The following KPNA1 variants were observed in gnomAD, a reference collection of about 807,000 sequenced individuals.
KPNA1 encodes the protein importin subunit alpha-5.
Under a neutral mutation model 70.5 loss-of-function variants are expected in KPNA1, and 10 were observed. The ratio of observed to expected loss-of-function variants is 0.14; its 90% CI spans 0.09 to 0.24. The LOEUF (loss-of-function observed/expected upper bound fraction) is 0.24, where lower values mean the gene tolerates loss of function less well. Among genes scored for constraint, KPNA1 ranks in the 10% least tolerant of loss-of-function variants. The pLI is 1.00. For synonymous variants in KPNA1, 192 were observed against 221.9 expected (o/e 0.87, Z 1.20); for missense variants, 397 against 637.9 (o/e 0.62, Z 4.07).
chr3:122,448,003 A>G (rs752648432), intron 9 of KPNA1, among the ~76,000 whole-genome samples: 1 of 152,234 alleles, frequency 6.6e-6, no homozygotes, highest in Non-Finnish European at 1.5e-5. Flanking sequence ...CAACAGACAC[A>G]TGAAAAAATG....
chr3:122,499,649 C>T (rs1163616930), intron 1 of KPNA1, among the ~76,000 whole-genome samples: 1 of 151,682 alleles, frequency 6.6e-6, no homozygotes, highest in African/African-American at 2.4e-5. Flanking sequence ...GTTCCAGGTA[C>T]TCAGGAGGCT....
At chr3:122,448,726 A>C (rs1453314241) in intron 9 of KPNA1, among the ~76,000 whole-genome samples, 1 of 152,068 alleles carries the variant, frequency 6.6e-6, no homozygotes, top group Non-Finnish European at 1.5e-5. Context: ...CATTTACCCT[A>C]GGACTTAAAG....
chr3:122,462,290 T>C (rs1156942765), intron 4 of KPNA1, among the ~76,000 whole-genome samples: 1 of 152,008 alleles, frequency 6.6e-6, no homozygotes, highest in Non-Finnish European at 1.5e-5. Flanking sequence ...TTTTTAAAAA[T>C]CTACATGACT....
chr3:122,486,392 C>T (rs916551426), intron 2 of KPNA1, among the ~76,000 whole-genome samples: 13 of 152,102 alleles, frequency 8.5e-5, no homozygotes, highest in Non-Finnish European at 1.6e-4. Context: ...TGCATAATTC[C>T]ATTTATGGTA....
At chr3:122,452,572 G>GGAAGGAAGGAA (rs2076216864) in intron 6 of KPNA1, among the ~76,000 whole-genome samples, 8 of 22,402 alleles carry the variant, frequency 3.6e-4, no homozygotes, top group Admixed American at 4.9e-4. Context: ...GAGGGAAGGA[G>GGAAGGAAGGAA]GGAAGGAAGG....
At chr3:122,505,144 A>AT (rs1470022460) in intron 1 of KPNA1, among the ~76,000 whole-genome samples, 2 of 152,036 alleles carry the variant, frequency 1.3e-5, no homozygotes, top group African/African-American at 2.4e-5. Context: ...CCTCTACTAA[A>AT]AATACAAAAA....
At chr3:122,432,798 T>C (rs2107717680) in intron 12 of KPNA1, 1 of 152,148 alleles carries the variant, frequency 6.6e-6, no homozygotes, top group Middle Eastern at 3.4e-3. Flanking sequence ...TATAAGCTGC[T>C]CGTCGGGCAT....
intron 2 of KPNA1, among the ~76,000 whole-genome samples, chr3:122,489,440 T>C (rs946273862): frequency 6.6e-6 from 1 of 151,940 alleles, no homozygotes; most frequent in Non-Finnish European, 1.5e-5. Context: ...CGTGCGCCAC[T>C]AAGCCTGGCT....
At chr3:122,435,783 CTT>C (rs1468607607) in intron 11 of KPNA1, among the ~76,000 whole-genome samples, 1 of 152,184 alleles carries the variant, frequency 6.6e-6, no homozygotes, top group East Asian at 1.9e-4. Flanking sequence ...CTATGCCTAT[CTT>C]TACTTTAATC....
intron 9 of KPNA1, among the ~76,000 whole-genome samples, chr3:122,443,581 C>G (rs576696686): frequency 5.3e-4 from 81 of 152,250 alleles, no homozygotes; most frequent in Middle Eastern, 3.4e-3. Context: ...TTTCTATTTT[C>G]TCTAAGTGTT....
intron 2 of KPNA1, among the ~76,000 whole-genome samples, chr3:122,474,053 C>A (rs899834552): frequency 6.6e-6 from 1 of 152,056 alleles, no homozygotes; most frequent in Non-Finnish European, 1.5e-5. Context: ...CTTTCCTATA[C>A]ACCAGCAATG....
chr3:122,458,742 C>T (rs1291220609), intron 5 of KPNA1, among the ~76,000 whole-genome samples: 2 of 152,194 alleles, frequency 1.3e-5, no homozygotes, highest in Non-Finnish European at 2.9e-5. Context: ...CTCCAAGCTT[C>T]CCAGAGCATG....
chr3:122,504,837 A>T (rs1217083126), intron 1 of KPNA1, among the ~76,000 whole-genome samples: 2 of 152,194 alleles, frequency 1.3e-5, no homozygotes, highest in African/African-American at 4.8e-5. Flanking sequence ...ATATCTCATC[A>T]GTATCCATAA....
intron 1 of KPNA1, among the ~76,000 whole-genome samples, chr3:122,497,689 C>T (rs1161218152): frequency 1.3e-5 from 2 of 152,154 alleles, no homozygotes; most frequent in Admixed American, 1.3e-4. Flanking sequence ...AGCAACTTTT[C>T]ACATACGTAT....
chr3:122,504,853 A>C (rs2076872680), intron 1 of KPNA1, among the ~76,000 whole-genome samples: 1 of 152,074 alleles, frequency 6.6e-6, no homozygotes, highest in South Asian at 2.1e-4. Flanking sequence ...CATAAATGAG[A>C]TTCGTTGCCC....
At chr3:122,432,432 CTTT>C (rs1246346069) in intron 12 of KPNA1, 1 of 152,104 alleles carries the variant, frequency 6.6e-6, no homozygotes, top group Non-Finnish European at 1.5e-5. Context: ...AATTTCTGTA[CTTT>C]GTTACTATTT....
rs773037206 is a variant in KPNA1, at chr3:122,427,114, G to C, written c.1488C>G (p.Ala496=). The change falls in exon 14 of 14, where the codon GCC becomes GCG. Residue 496 remains alanine (A), a synonymous_variant. Transcript: ENST00000344337. ...SHENQEIYQK[A]FDLIEHYFGT... ...CGAAGTAATGCTCAATAAGATCAAA[G>C]GCCTTTTGGTAGATCTCCTGGTTTT... 2 of 1,614,060 alleles carry C rather than the reference G, an allele frequency of 1.2e-6. No homozygotes were observed. The highest frequency in any genetic ancestry group is 8.5e-7 in the Non-Finnish European group (1 of 1,179,972).
chr3:122,512,866 G>T (rs2076970259), intron 1 of KPNA1, among the ~76,000 whole-genome samples: 1 of 152,218 alleles, frequency 6.6e-6, no homozygotes, highest in African/African-American at 2.4e-5. Context: ...TATGTTGTCT[G>T]CTTCCATTTG....
rs2075796053 is a variant in KPNA1, at chr3:122,424,457, A to C, written c.*2528T>G. On this transcript the variant is annotated 3_prime_UTR_variant, in exon 14 of 14. Transcript: ENST00000344337. ...ACTTTTAGCCAATTCCAACTTTGAT[A>C]CTTTAAGAAAAAATCATTTTATTGT... 6.6e-6 allele frequency: 1 copy of C among 152,264 alleles called. No individual in the cohort carries two copies. The highest frequency in any genetic ancestry group is 1.5e-5 in the Non-Finnish European group (1 of 68,034). The allele number at this position is 152,264 out of a possible 1,614,324, so 9.4% of individuals were successfully genotyped here.
Sources: allele counts gnomAD v4.1 joint callset (sites outside exome capture counted in the v4.1 genomes callset), GRCh38; gene constraint gnomAD v4.1.1; transcripts MANE v1.5; gene names NCBI Gene and HGNC (gene_info 2026-07-23, HGNC 2026-07-21).